Variants in ZRANB3 observed in about 807,000 individuals in gnomAD.
The protein encoded by ZRANB3 is zinc finger RANBP2-type containing 3.
A neutral mutation model predicts 133.8 loss-of-function variants in ZRANB3; 125 were observed. The observed-to-expected ratio is 0.93, with a 90% CI of 0.81 to 1.08. ZRANB3 has a LOEUF of 1.08. Ranked by LOEUF, ZRANB3 falls within the 50% of genes least tolerant of loss-of-function variation. The pLI, the probability that ZRANB3 is intolerant of heterozygous loss-of-function variation, is 0.00. For synonymous variants in ZRANB3, 387 were observed against 432.7 expected (o/e 0.89, Z 1.31); for missense variants, 1,229 against 1,275.5 (o/e 0.96, Z 0.56).
intron 6 of ZRANB3, among the ~76,000 whole-genome samples, chr2:135,321,474 ATT>A (rs34493241): frequency 9.6e-4 from 128 of 133,946 alleles, no homozygotes; most frequent in African/African-American, 1.9e-3. Flanking sequence ...GAGTTTTGGG[ATT>A]TTTTTTTTTT....
intron 6 of ZRANB3, among the ~76,000 whole-genome samples, chr2:135,326,931 C>A (rs1683865570): frequency 1.3e-5 from 2 of 149,586 alleles, no homozygotes; most frequent in Admixed American, 1.3e-4. Flanking sequence ...AAGAACAGTC[C>A]TTCCTTACTC....
At chr2:135,524,123 G>T (rs1694055301) in intron 1 of ZRANB3, among the ~76,000 whole-genome samples, 1 of 150,842 alleles carries the variant, frequency 6.6e-6, no homozygotes. Flanking sequence ...TTTCGCTCTT[G>T]TTGCCCAGGC....
At chr2:135,465,689 G>C (rs1690956558) in intron 2 of ZRANB3, among the ~76,000 whole-genome samples, 1 of 152,194 alleles carries the variant, frequency 6.6e-6, no homozygotes, top group African/African-American at 2.4e-5. Context: ...AAACTAAAGA[G>C]CTTCTGCACA....
intron 19 of ZRANB3, among the ~76,000 whole-genome samples, chr2:135,203,429 C>A (rs1300982496): frequency 6.6e-6 from 1 of 151,916 alleles, no homozygotes; most frequent in East Asian, 1.9e-4. Context: ...ACAATCCTGG[C>A]TAACACGGTG....
chr2:135,528,660 C>G (rs74825526), intron 1 of ZRANB3, among the ~76,000 whole-genome samples: 2 of 151,724 alleles, frequency 1.3e-5, no homozygotes, highest in Non-Finnish European at 2.9e-5. Flanking sequence ...AAAAAAAAAA[C>G]TAAGCATCTA....
chr2:135,505,542 C>T (rs1351532114), intron 1 of ZRANB3, among the ~76,000 whole-genome samples: 1 of 151,834 alleles, frequency 6.6e-6, no homozygotes, highest in Non-Finnish European at 1.5e-5. Context: ...CCACTGCGCT[C>T]CAGCCTGGGC....
chr2:135,511,129 G>A, intron 1 of ZRANB3: 3 of 771,058 alleles, frequency 3.9e-6, no homozygotes, highest in South Asian at 1.4e-5. Flanking sequence ...CCAACATAAG[G>A]AGGTATCCCA....
At chr2:135,363,943 G>A (rs1685810141) in intron 3 of ZRANB3, among the ~76,000 whole-genome samples, 1 of 152,146 alleles carries the variant, frequency 6.6e-6, no homozygotes, top group Non-Finnish European at 1.5e-5. Context: ...TGATGTGCTG[G>A]CATGTGCCTG....
chr2:135,383,064 G>C (rs1375381433), intron 3 of ZRANB3, among the ~76,000 whole-genome samples: 1 of 152,078 alleles, frequency 6.6e-6, no homozygotes, highest in Non-Finnish European at 1.5e-5. Flanking sequence ...TGGATAAAGA[G>C]ACAAGACCCA....
intron 18 of ZRANB3, among the ~76,000 whole-genome samples, chr2:135,208,282 A>G (rs2105040139): frequency 6.6e-6 from 1 of 152,306 alleles, no homozygotes; most frequent in Non-Finnish European, 1.5e-5. Context: ...GCTAGCTCAC[A>G]GGAAATAGAG....
At chr2:135,367,206 T>C (rs1342145492) in intron 3 of ZRANB3, among the ~76,000 whole-genome samples, 1 of 152,172 alleles carries the variant, frequency 6.6e-6, no homozygotes, top group Non-Finnish European at 1.5e-5. Context: ...TGGTGGCCCA[T>C]AGTGTGATCT....
chr2:135,502,737 G>C (rs1423584252), intron 2 of ZRANB3, among the ~76,000 whole-genome samples: 1 of 152,180 alleles, frequency 6.6e-6, no homozygotes, highest in East Asian at 1.9e-4. Flanking sequence ...AGGAATCTGA[G>C]GACCGTTAAC....
chr2:135,506,066 A>G (rs923822584), intron 1 of ZRANB3, among the ~76,000 whole-genome samples: 1 of 152,126 alleles, frequency 6.6e-6, no homozygotes, highest in Non-Finnish European at 1.5e-5. Context: ...CCAAATTGAG[A>G]AAGGGCTTGG....
At chr2:135,234,602 G>T (rs7557319) in intron 12 of ZRANB3, among the ~76,000 whole-genome samples, 2 of 152,092 alleles carry the variant, frequency 1.3e-5, no homozygotes, top group Non-Finnish European at 2.9e-5. Flanking sequence ...TCAGACCACA[G>T]TGCAATCAAA....
chr2:135,225,104 T>C (rs777352618), intron 14 of ZRANB3, among the ~76,000 whole-genome samples: 12 of 152,216 alleles, frequency 7.9e-5, no homozygotes, highest in Non-Finnish European at 1.3e-4. Flanking sequence ...ATAACAATTA[T>C]AGTTAACATT....
intron 3 of ZRANB3, among the ~76,000 whole-genome samples, chr2:135,378,440 C>T (rs1342929901): frequency 3.3e-5 from 5 of 151,456 alleles, no homozygotes; most frequent in African/African-American, 4.9e-5. Context: ...TTGCAGTGGC[C>T]GAGATCACGC....
At chr2:135,202,069 A>T (rs1693651354) in intron 20 of ZRANB3, among the ~76,000 whole-genome samples, 1 of 152,226 alleles carries the variant, frequency 6.6e-6, no homozygotes, top group African/African-American at 2.4e-5. Context: ...AAAAATTTAG[A>T]TAAATATTAA....
In ZRANB3 at chr2:135,219,134, T is replaced by C. The variant is rs1321032014; in HGVS notation, c.2295A>G (p.Lys765=). ...MSCNFIPLDI[K]LDLWEDLPAS... ...CTGGTAAATCTTCCCAAAGGTCTAA[T>C]TTTATATCCAGAGGAATGAAATTAC... The change falls in exon 16 of 21, where the codon AAA becomes AAG. Residue 765 remains lysine (K), a synonymous_variant. Transcript: ENST00000264159. The C allele has an allele frequency of 1.1e-5, 17 of 1,543,248 alleles. No homozygotes were observed. In the East Asian group the frequency reaches 3.8e-4, roughly 35 times the overall value.
intron 6 of ZRANB3, among the ~76,000 whole-genome samples, chr2:135,327,904 TAA>T (rs1046253955): frequency 6.6e-5 from 10 of 152,192 alleles, no homozygotes; most frequent in African/African-American, 2.4e-4. Context: ...AGTATTGTGA[TAA>T]AGACATATTA....
Sources: gnomAD v4.1 joint callset for allele counts (sites outside exome capture counted in the v4.1 genomes callset) on GRCh38, gnomAD v4.1.1 for gene constraint, MANE v1.5 for transcripts, NCBI Gene and HGNC (gene_info 2026-07-23, HGNC 2026-07-21) for gene names.